Variants in SPMIP2 observed in about 807,000 individuals in gnomAD.
SPMIP2 encodes the protein sperm microtubule inner protein 2.
At chr4:158,993,281 C>G in the SPMIP2 span, among the ~76,000 whole-genome samples, 1 of 151,872 alleles carries the variant, frequency 6.6e-6, no homozygotes, top group Admixed American at 6.6e-5. Flanking sequence ...GCAGGAGGCT[C>G]ATTTGAGCCC....
the SPMIP2 span, among the ~76,000 whole-genome samples, chr4:159,073,591 G>C: frequency 7.2e-5 from 11 of 152,068 alleles, no homozygotes; most frequent in Non-Finnish European, 1.6e-4. Context: ...AAAATAAGAA[G>C]AAATGGAAGC....
At chr4:158,984,843 A>G in the SPMIP2 span, among the ~76,000 whole-genome samples, 2 of 151,874 alleles carry the variant, frequency 1.3e-5, no homozygotes, top group South Asian at 2.1e-4. Context: ...TGAATCCAGA[A>G]GCTGGTTTTT....
chr4:159,066,485 G>A, the SPMIP2 span, among the ~76,000 whole-genome samples: 1 of 151,784 alleles, frequency 6.6e-6, no homozygotes, highest in Non-Finnish European at 1.5e-5. Flanking sequence ...TATGTCCTTA[G>A]TGAATGTGTG....
the SPMIP2 span, among the ~76,000 whole-genome samples, chr4:159,009,950 C>A: frequency 6.6e-6 from 1 of 152,056 alleles, no homozygotes; most frequent in Non-Finnish European, 1.5e-5. Context: ...GTTTTGATTG[C>A]GCCATTGTGC....
At chr4:159,068,899 A>G in the SPMIP2 span, among the ~76,000 whole-genome samples, 1 of 152,122 alleles carries the variant, frequency 6.6e-6, no homozygotes, top group Non-Finnish European at 1.5e-5. Context: ...AGTAAAGTAG[A>G]TCCTTTTGGG....
chr4:158,997,317 G>A, the SPMIP2 span, among the ~76,000 whole-genome samples: 1 of 148,406 alleles, frequency 6.7e-6, no homozygotes, highest in Non-Finnish European at 1.5e-5. Flanking sequence ...TGCAACCTCT[G>A]CCTCCTGGGT....
chr4:159,002,103 T>TCTTGGC, the SPMIP2 span, among the ~76,000 whole-genome samples: 2 of 152,226 alleles, frequency 1.3e-5, no homozygotes, highest in African/African-American at 4.8e-5. Flanking sequence ...TTCATATGCT[T>TCTTGGC]CTTGGCCACA....
chr4:159,035,720 G>A, the SPMIP2 span, among the ~76,000 whole-genome samples: 1 of 152,060 alleles, frequency 6.6e-6, no homozygotes, highest in African/African-American at 2.4e-5. Context: ...CTTTCTCATT[G>A]TTCTGAGCCT....
At chr4:158,984,380 G>A in the SPMIP2 span, among the ~76,000 whole-genome samples, 5 of 148,630 alleles carry the variant, frequency 3.4e-5, no homozygotes, top group African/African-American at 1.2e-4. Flanking sequence ...ACATACTTGG[G>A]AGTAAAGCTC....
the SPMIP2 span, among the ~76,000 whole-genome samples, chr4:158,963,413 C>T: frequency 6.6e-6 from 1 of 152,132 alleles, no homozygotes; most frequent in Non-Finnish European, 1.5e-5. Flanking sequence ...GGAATTCTCC[C>T]ACCTCAGCCT....
At chr4:159,052,598 A>AT in the SPMIP2 span, among the ~76,000 whole-genome samples, 1 of 151,108 alleles carries the variant, frequency 6.6e-6, no homozygotes, top group African/African-American at 2.4e-5. Context: ...TCCCCATGGG[A>AT]TTATCTCAAG....
At chr4:159,002,766 GCACA>G in the SPMIP2 span, among the ~76,000 whole-genome samples, 1,843 of 148,178 alleles carry the variant, frequency 0.012, 32 homozygotes, top group African/African-American at 0.041. Flanking sequence ...ACATATCACT[GCACA>G]CACACACACA....
At chr4:159,046,053 C>T in the SPMIP2 span, among the ~76,000 whole-genome samples, 1 of 152,104 alleles carries the variant, frequency 6.6e-6, no homozygotes, top group South Asian at 2.1e-4. Flanking sequence ...AGTTCGAGAC[C>T]AGCCTTGGCA....
chr4:159,041,376 A>G, the SPMIP2 span, among the ~76,000 whole-genome samples: 1 of 152,244 alleles, frequency 6.6e-6, no homozygotes, highest in African/African-American at 2.4e-5. Flanking sequence ...TTAAAAAACA[A>G]CAGATAATTT....
chr4:159,046,187 C>G, the SPMIP2 span, among the ~76,000 whole-genome samples: 1 of 151,140 alleles, frequency 6.6e-6, no homozygotes, highest in Non-Finnish European at 1.5e-5. Flanking sequence ...AGTGACTGAG[C>G]CACTGCACTC....
At chr4:158,987,957 G>C in the SPMIP2 span, among the ~76,000 whole-genome samples, 1 of 152,028 alleles carries the variant, frequency 6.6e-6, no homozygotes, top group African/African-American at 2.4e-5. Flanking sequence ...GAATCCAGGA[G>C]CTGGTTTTTT....
chr4:158,900,554 CTCT>C, the SPMIP2 span, among the ~76,000 whole-genome samples: 689 of 152,314 alleles, frequency 4.5e-3, 4 homozygotes, highest in African/African-American at 0.015. Flanking sequence ...GGATAGTTAG[CTCT>C]TCTGGTTGCA....
the SPMIP2 span, among the ~76,000 whole-genome samples, chr4:159,061,133 G>A: frequency 2.7e-5 from 4 of 148,946 alleles, no homozygotes; most frequent in African/African-American, 7.4e-5. Context: ...ATGTAACATA[G>A]CTGAATACTG....
the SPMIP2 span, chr4:158,907,815 A>G: frequency 6.6e-6 from 1 of 152,214 alleles, no homozygotes; most frequent in Non-Finnish European, 1.5e-5. Flanking sequence ...GATGAACGAT[A>G]TATCTTGAAA....
Sources: gnomAD v4.1 joint callset for allele counts (sites outside exome capture counted in the v4.1 genomes callset) on GRCh38, gnomAD v4.1.1 for gene constraint, MANE v1.5 for transcripts, NCBI Gene and HGNC (gene_info 2026-07-23, HGNC 2026-07-21) for gene names.